CENPU: variants seen among roughly 807,000 people sequenced by gnomAD.
CENPU encodes the protein KSHV latent nuclear antigen interacting protein 1.
A neutral mutation model predicts 56.7 loss-of-function variants in CENPU; 46 were observed. That is an observed-to-expected ratio of 0.81 (90% CI 0.64 to 1.04). CENPU has a LOEUF of 1.04. Ranked by LOEUF, CENPU falls within the 50% of genes least tolerant of loss-of-function variation. The pLI, the probability that CENPU is intolerant of heterozygous loss-of-function variation, is 0.00. For synonymous variants in CENPU, 166 were observed against 163.0 expected, an observed-to-expected ratio of 1.02 and a Z score of -0.14; for missense variants, 510 against 490.1, an observed-to-expected ratio of 1.04 and a Z score of -0.38.
Position 184,695,357 on chromosome 4 carries a change from T to C in CENPU, c.1188A>G (p.Thr396=), listed in dbSNP as rs1161007880. The C allele has an allele frequency of 7.4e-6, 12 of 1,613,618 alleles. No homozygotes were observed. The highest frequency in any genetic ancestry group is 1.0e-5 in the Non-Finnish European group (12 of 1,179,550). Residue 396 remains threonine, a synonymous_variant, in exon 13 of 13, where the codon ACA becomes ACG. Coordinates refer to ENST00000281453, the MANE Select transcript of CENPU (RefSeq NM_024629.4). ...SLPALLFKAR[T]LLGAESHLRN... Reference sequence around the variant, plus strand: ...GCAGATGGCTTTCGGCTCCCAGAAGTGTTCTTGCTTTAAATAACAGAGCTG... The same window carrying C: ...GCAGATGGCTTTCGGCTCCCAGAAGCGTTCTTGCTTTAAATAACAGAGCTG...
At chr4:184,695,970 A>T (rs1207498035) in intron 12 of CENPU, among the ~76,000 whole-genome samples, 2 of 152,226 alleles carry the variant, frequency 1.3e-5, no homozygotes, top group Admixed American at 1.3e-4. Flanking sequence ...TAAAATTAGA[A>T]TACAAACCCA....
chr4:184,715,165 G>A (rs1761047703), intron 6 of CENPU, among the ~76,000 whole-genome samples: 2 of 152,238 alleles, frequency 1.3e-5, no homozygotes, highest in South Asian at 4.1e-4. Context: ...GAAAGGTGAA[G>A]AAGACAGGGT....
At chr4:184,707,987 C>G (rs1489053417) in intron 8 of CENPU, among the ~76,000 whole-genome samples, 2 of 152,000 alleles carry the variant, frequency 1.3e-5, no homozygotes, top group Non-Finnish European at 2.9e-5. Context: ...CTTTGGGAGG[C>G]CAAAGTGGGT....
At chr4:184,715,926 GCTTTT>G (rs1215337017) in intron 6 of CENPU, among the ~76,000 whole-genome samples, 32 of 135,608 alleles carry the variant, frequency 2.4e-4, no homozygotes, top group Non-Finnish European at 4.0e-4. Context: ...ATACCTTCTA[GCTTTT>G]TTTTTGTTTT....
At chr4:184,704,769 G>T (rs2150206274) in intron 8 of CENPU, among the ~76,000 whole-genome samples, 1 of 152,254 alleles carries the variant, frequency 6.6e-6, no homozygotes. Context: ...GGTGATTGCT[G>T]GGGGAGGGAG....
intron 4 of CENPU, among the ~76,000 whole-genome samples, chr4:184,723,966 T>A (rs946356619): frequency 5.9e-5 from 9 of 151,690 alleles, no homozygotes; most frequent in Non-Finnish European, 1.3e-4. Context: ...GGATATTTGT[T>A]TTAAAACTGC....
chr4:184,699,336 A>C (rs1194928147), intron 11 of CENPU, among the ~76,000 whole-genome samples: 1 of 145,068 alleles, frequency 6.9e-6, no homozygotes, highest in African/African-American at 2.6e-5. Flanking sequence ...TCTCAAAAAT[A>C]AATAAATAAA....
chr4:184,725,035 T>C lies in CENPU; in HGVS notation c.242A>G (p.Tyr81Cys), dbSNP rs756460071. Residue 81 changes from tyrosine (Y) to cysteine (C), a missense_variant, in exon 4 of 13, where the codon TAT becomes TGT. By Grantham distance (194) the Tyr-to-Cys change is radical. Transcript: ENST00000281453. ...TTTGGAGAATTCTTCTTCATCAGCA[T>C]ATATAGCTGTGCTATGTAAAGGAGG... is the stretch of plus-strand genomic sequence containing the variant. ...FDPPLHSTAI[Y>C]ADEEEFSKHC... The C allele has an allele frequency of 1.1e-5, 18 of 1,611,428 alleles. No homozygotes were observed. Among genetic ancestry groups the C allele is most frequent in the East Asian group, 1.1e-4 (5 of 44,784 alleles).
chr4:184,731,607 A>AAT (rs1561149563), intron 1 of CENPU, among the ~76,000 whole-genome samples: 2 of 152,222 alleles, frequency 1.3e-5, no homozygotes, highest in Admixed American at 6.5e-5. Flanking sequence ...TATTACTAAT[A>AAT]ATAGTGCCAG....
At chr4:184,723,595 G>C (rs1270323052) in intron 4 of CENPU, among the ~76,000 whole-genome samples, 2 of 152,108 alleles carry the variant, frequency 1.3e-5, no homozygotes, top group Non-Finnish European at 1.5e-5. Flanking sequence ...TGTAATCCTA[G>C]CACTTTGGGA....
At position 184,716,575 on chromosome 4, in the gene CENPU, G is replaced by C. The variant is rs746134998; in HGVS notation, c.440C>G (p.Thr147Arg). The change falls in exon 6 of 13, where the codon ACA becomes AGA. Residue 147 changes from threonine to arginine, a missense_variant. Thr to Arg is a moderately conservative substitution (Grantham distance 71). Transcript: ENST00000281453. ...CTCTGCTGATTTAACTTTTCTCCTT[G>C]TATCACTTTCTTCAATGCTTTCAGA... The part of the protein sequence containing the change: ...DDSESIEESD[T>R]RRKVKSAEKI... The C allele has an allele frequency of 2.5e-6, 4 of 1,614,100 alleles. No homozygotes were observed. Among genetic ancestry groups the C allele is most frequent in the Non-Finnish European group, 2.5e-6 (3 of 1,180,020 alleles).
At chr4:184,700,593 C>T (rs555101053) in intron 11 of CENPU, among the ~76,000 whole-genome samples, 1 of 152,312 alleles carries the variant, frequency 6.6e-6, no homozygotes, top group African/African-American at 2.4e-5. Flanking sequence ...GGCATTATAT[C>T]TCTTAAGGCC....
chr4:184,721,682 G>A (rs891534613), intron 4 of CENPU, among the ~76,000 whole-genome samples: 19 of 152,102 alleles, frequency 1.2e-4, no homozygotes, highest in Non-Finnish European at 2.6e-4. Flanking sequence ...TGACAAAGGG[G>A]TCAATTCAGC....
At chr4:184,724,486 T>C (rs1377246011) in intron 4 of CENPU, among the ~76,000 whole-genome samples, 1 of 152,236 alleles carries the variant, frequency 6.6e-6, no homozygotes, top group Non-Finnish European at 1.5e-5. Flanking sequence ...AGAGATTTTC[T>C]GGACCTATAG....
chr4:184,700,580 C>G (rs1163665561), intron 11 of CENPU, among the ~76,000 whole-genome samples: 2 of 152,168 alleles, frequency 1.3e-5, no homozygotes, highest in African/African-American at 4.8e-5. Flanking sequence ...ATTCTAGAAT[C>G]TAGGCATTAT....
At chr4:184,704,077 A>G (rs980605229) in intron 8 of CENPU, among the ~76,000 whole-genome samples, 48 of 148,304 alleles carry the variant, frequency 3.2e-4, no homozygotes, top group Non-Finnish European at 6.0e-4. Context: ...CAGGTGTAAC[A>G]TACTTCATCT....
chr4:184,701,884 G>T (rs1188570891), intron 10 of CENPU, among the ~76,000 whole-genome samples: 1 of 151,958 alleles, frequency 6.6e-6, no homozygotes, highest in Non-Finnish European at 1.5e-5. Flanking sequence ...GCAGCCTTAG[G>T]AAACAAAAGT....
chr4:184,718,728 C>T (rs1275691522), intron 4 of CENPU, among the ~76,000 whole-genome samples: 1 of 152,102 alleles, frequency 6.6e-6, no homozygotes, highest in Non-Finnish European at 1.5e-5. Context: ...ACTGGCCAGA[C>T]AGAACAAACC....
At chr4:184,708,799 A>G (rs1489807740) in intron 8 of CENPU, among the ~76,000 whole-genome samples, 1 of 152,210 alleles carries the variant, frequency 6.6e-6, no homozygotes. Context: ...GAAATGCTTA[A>G]ATATGAGAAA....
Sources: allele counts gnomAD v4.1 joint callset (sites outside exome capture counted in the v4.1 genomes callset), GRCh38; gene constraint gnomAD v4.1.1; transcripts MANE v1.5; gene names NCBI Gene and HGNC (gene_info 2026-07-23, HGNC 2026-07-21).